CNTNAP2: variants seen among roughly 807,000 people sequenced by gnomAD.
CNTNAP2 encodes contactin associated protein 2, also known as contactin-associated protein-like 2.
In CNTNAP2, 98 loss-of-function variants were observed where a neutral mutation model predicts 155.2. The ratio of observed to expected loss-of-function variants is 0.63; its 90% CI spans 0.54 to 0.75. The LOEUF is 0.75. Ranked by LOEUF, CNTNAP2 falls within the 30% of genes least tolerant of loss-of-function variation. The pLI, the probability that CNTNAP2 is intolerant of heterozygous loss-of-function variation, is 0.00. For missense variants in CNTNAP2, 1,727 were observed against 1,688.1 expected (o/e 1.02, Z -0.40); for synonymous variants, 651 against 631.2 (o/e 1.03, Z -0.47).
intron 2 of CNTNAP2, among the ~76,000 whole-genome samples, chr7:146,813,593 G>C (rs1472949302): frequency 6.6e-6 from 1 of 152,168 alleles, no homozygotes; most frequent in Non-Finnish European, 1.5e-5. Context: ...AGGTGGAAGG[G>C]ACTTGCCTTG....
At chr7:147,704,697 A>G (rs1796284008) in intron 13 of CNTNAP2, 1 of 152,204 alleles carries the variant, frequency 6.6e-6, no homozygotes, top group Admixed American at 6.6e-5. Flanking sequence ...CAACATTGAA[A>G]CCATTCAGTT....
chr7:147,226,839 T>C (rs1325272846), intron 8 of CNTNAP2, among the ~76,000 whole-genome samples: 1 of 152,224 alleles, frequency 6.6e-6, no homozygotes, highest in Non-Finnish European at 1.5e-5. Context: ...TTTATTCAAG[T>C]TTTATGTGTT....
At chr7:147,688,336 A>G (rs1796043613) in intron 13 of CNTNAP2, among the ~76,000 whole-genome samples, 1 of 152,160 alleles carries the variant, frequency 6.6e-6, no homozygotes, top group Non-Finnish European at 1.5e-5. Context: ...TAGAAAAAAC[A>G]CAAACAACAA....
intron 13 of CNTNAP2, among the ~76,000 whole-genome samples, chr7:147,716,495 G>A (rs1796483247): frequency 6.6e-6 from 1 of 152,062 alleles, no homozygotes; most frequent in Non-Finnish European, 1.5e-5. Flanking sequence ...CCCACCCTAA[G>A]CTTTTATTAT....
At chr7:147,636,061 A>G (rs921973844) in intron 12 of CNTNAP2, among the ~76,000 whole-genome samples, 7 of 152,268 alleles carry the variant, frequency 4.6e-5, no homozygotes, top group African/African-American at 1.7e-4. Flanking sequence ...ACAGTTTATC[A>G]TCAGAATCAT....
At chr7:147,615,033 G>T (rs1439296346) in intron 12 of CNTNAP2, among the ~76,000 whole-genome samples, 1 of 150,170 alleles carries the variant, frequency 6.7e-6, no homozygotes, top group Admixed American at 6.7e-5. Context: ...TATAAGGATT[G>T]CTTGAACCTA....
At chr7:147,670,429 A>T (rs1795768188) in intron 13 of CNTNAP2, among the ~76,000 whole-genome samples, 1 of 152,180 alleles carries the variant, frequency 6.6e-6, no homozygotes, top group South Asian at 2.1e-4. Flanking sequence ...CAAAGTGAGA[A>T]CTTACATCTC....
intron 10 of CNTNAP2, among the ~76,000 whole-genome samples, chr7:147,454,274 C>T (rs933416060): frequency 2.3e-4 from 35 of 152,020 alleles, no homozygotes; most frequent in Non-Finnish European, 4.7e-4. Flanking sequence ...TGTTGGTTTT[C>T]CAATCTTATA....
chr7:148,167,497 A>AG (rs1326143713), intron 17 of CNTNAP2, among the ~76,000 whole-genome samples: 1 of 152,080 alleles, frequency 6.6e-6, no homozygotes, highest in African/African-American at 2.4e-5. Context: ...TAAAAGAGGG[A>AG]GAAAAAAAAA....
At chr7:147,670,299 C>T (rs955656593) in intron 13 of CNTNAP2, among the ~76,000 whole-genome samples, 12 of 152,202 alleles carry the variant, frequency 7.9e-5, no homozygotes, top group Admixed American at 1.3e-4. Context: ...TGTTCCAATT[C>T]GCCAGGGATG....
intron 11 of CNTNAP2, among the ~76,000 whole-genome samples, chr7:147,550,282 T>C (rs1044096918): frequency 2.6e-5 from 4 of 152,152 alleles, no homozygotes; most frequent in African/African-American, 9.7e-5. Context: ...ATAATCCCCA[T>C]ATGTCAAGGG....
intron 1 of CNTNAP2, among the ~76,000 whole-genome samples, chr7:146,508,765 G>A (rs1480848960): frequency 6.6e-6 from 1 of 152,182 alleles, no homozygotes; most frequent in Non-Finnish European, 1.5e-5. Flanking sequence ...GGCATTTTCT[G>A]GAATTGGTGA....
At chr7:148,387,501 T>C (rs1341030528) in intron 22 of CNTNAP2, among the ~76,000 whole-genome samples, 1 of 152,066 alleles carries the variant, frequency 6.6e-6, no homozygotes. Flanking sequence ...TAGAGGACAT[T>C]TGGAAGTAGA....
chr7:148,091,876 A>G (rs898394939), intron 15 of CNTNAP2, among the ~76,000 whole-genome samples: 1 of 152,200 alleles, frequency 6.6e-6, no homozygotes, highest in African/African-American at 2.4e-5. Flanking sequence ...TATGACATGA[A>G]GAAGTTAAAA....
intron 8 of CNTNAP2, among the ~76,000 whole-genome samples, chr7:147,286,675 T>C (rs1805187071): frequency 6.6e-6 from 1 of 152,092 alleles, no homozygotes; most frequent in Admixed American, 6.6e-5. Context: ...GAATGAGTTT[T>C]TCTTGGATCA....
chr7:147,413,171 A>G (rs1204024975), intron 10 of CNTNAP2, among the ~76,000 whole-genome samples: 1 of 152,152 alleles, frequency 6.6e-6, no homozygotes, highest in Non-Finnish European at 1.5e-5. Flanking sequence ...GAGTCAAGGA[A>G]TGCTCTACAC....
rs751087903 is a variant in CNTNAP2 at position 146,965,219 on chromosome 7, T to C, written c.403-78688T>C. Among the ~76,000 whole-genome samples the C allele has an allele frequency of 3.3e-5, 5 of 152,194 alleles. No individual in the cohort carries two copies. The South Asian group carries it at 8.3e-4, about 25-fold the overall frequency. ...TCAAAGCTGTCAAGCAGTACCCTGA[T>C]GGATGGAGACTGCCCTGTAGAGAAG... is the stretch of plus-strand genomic sequence containing the variant. On this transcript the variant is annotated intron_variant, in intron 3 of 23. Coordinates refer to ENST00000361727, the MANE Select transcript of CNTNAP2 (RefSeq NM_014141.6).
At chr7:146,928,797 C>G (rs548120101) in intron 3 of CNTNAP2, among the ~76,000 whole-genome samples, 5 of 152,226 alleles carry the variant, frequency 3.3e-5, no homozygotes, top group Non-Finnish European at 7.3e-5. Flanking sequence ...CCGCACCTGG[C>G]TCGGAGGGTC....
At chr7:147,627,712 A>G (rs1478173323) in intron 12 of CNTNAP2, among the ~76,000 whole-genome samples, 2 of 145,590 alleles carry the variant, frequency 1.4e-5, no homozygotes, top group Non-Finnish European at 3.0e-5. Flanking sequence ...AAAAAAAAAA[A>G]AAGATATTAA....
Sources: allele counts gnomAD v4.1 joint callset (sites outside exome capture counted in the v4.1 genomes callset), GRCh38; gene constraint gnomAD v4.1.1; transcripts MANE v1.5; gene names NCBI Gene and HGNC (gene_info 2026-07-23, HGNC 2026-07-21).